Variants in CMYA5 observed in about 807,000 individuals in gnomAD.
The protein encoded by CMYA5 is cardiomyopathy-associated protein 5.
A neutral mutation model predicts 318.9 loss-of-function variants in CMYA5; 246 were observed. The ratio of observed to expected loss-of-function variants is 0.77; its 90% CI spans 0.70 to 0.86. The LOEUF (loss-of-function observed/expected upper bound fraction) is 0.86. Among genes scored for constraint, CMYA5 ranks in the 40% least tolerant of loss-of-function variants. CMYA5 has a pLI of 0.00. For synonymous variants in CMYA5, 1,641 were observed against 1,729.5 expected (o/e 0.95, Z 1.27); for missense variants, 4,589 against 4,678.2 (o/e 0.98, Z 0.56).
At chr5:79,789,705 G>A (rs982541532) in intron 10 of CMYA5, among the ~76,000 whole-genome samples, 1 of 152,016 alleles carries the variant, frequency 6.6e-6, no homozygotes, top group African/African-American at 2.4e-5. Flanking sequence ...GATTACAGGT[G>A]TGAGCCACCA....
At chr5:79,751,673 G>A (rs892920117) in intron 5 of CMYA5, among the ~76,000 whole-genome samples, 3 of 152,160 alleles carry the variant, frequency 2.0e-5, no homozygotes, top group African/African-American at 7.2e-5. Context: ...TGCCCACCAT[G>A]TGCCAAGTAA....
intron 1 of CMYA5, among the ~76,000 whole-genome samples, chr5:79,696,253 C>A (rs1250865245): frequency 6.6e-6 from 1 of 152,176 alleles, no homozygotes; most frequent in Admixed American, 6.5e-5. Flanking sequence ...TCAGTGCCGC[C>A]TTCTGTGACT....
At chr5:79,740,130 TG>T (rs1298195693) in intron 2 of CMYA5, among the ~76,000 whole-genome samples, 1 of 152,230 alleles carries the variant, frequency 6.6e-6, no homozygotes. Flanking sequence ...TAGGAGAGGA[TG>T]TATGCCGGTT....
At chr5:79,720,524 C>A (rs1210519885) in intron 1 of CMYA5, among the ~76,000 whole-genome samples, 1 of 151,282 alleles carries the variant, frequency 6.6e-6, no homozygotes. Flanking sequence ...GCAACCTCCC[C>A]CTCCCAGGTT....
At position 79,735,460 on chromosome 5, in the gene CMYA5, AAC is replaced by A. The variant is rs1482826903; in HGVS notation, c.6696_6697del (p.Lys2232AsnfsTer3). 2.9e-5 allele frequency: 47 copies of A among 1,613,652 alleles called. No individual in the cohort carries two copies. Among genetic ancestry groups the A allele is most frequent in the Non-Finnish European group, 3.9e-5 (46 of 1,179,712 alleles). On this transcript the variant is annotated frameshift_variant, in exon 2 of 13. Transcript: ENST00000446378. LOFTEE classifies it high-confidence loss of function. ...CCCACCAATTTTAATGTAGCTGAGA[AAC>A]CAGCTGATCATTCATTATCAGAGGT...
intron 9 of CMYA5, 44 bp from the exon 10 acceptor site, chr5:79,788,927 A>C (rs771197507): frequency 1.3e-6 from 2 of 1,569,124 alleles, no homozygotes; most frequent in African/African-American, 2.7e-5. Context: ...ATCATTTAGC[A>C]TGTGGCATTA....
In CMYA5 at chr5:79,791,062, C is replaced by A. The variant is rs745686203; in HGVS notation, c.11782C>A (p.Leu3928Met). 24 of 1,610,988 alleles carry A rather than the reference C, an allele frequency of 1.5e-5. No homozygotes were observed. The highest frequency in any genetic ancestry group is 2.0e-5 in the Non-Finnish European group (24 of 1,177,574). ...TVISFGERRR[L>M]TEIPSVLGEE... ...GATCAGCTTTGGTGAGAGGAGACGG[C>A]TGACGGAGTAAGTAGAAGAAGAAAG... Residue 3928 changes from leucine to methionine, a missense_variant, in exon 11 of 13, where the codon CTG becomes ATG. Leu to Met is a conservative substitution (Grantham distance 15). This residue lies in a region of CMYA5 where 2,431 missense variants were observed against 2,495.1 expected (regional missense o/e 0.97). Coordinates refer to ENST00000446378, the MANE Select transcript of CMYA5 (RefSeq NM_153610.5).
intron 1 of CMYA5, among the ~76,000 whole-genome samples, chr5:79,701,930 A>G (rs149291514): frequency 0.021 from 3,220 of 152,082 alleles, 113 homozygotes; most frequent in African/African-American, 0.072. Context: ...GATGGAGACC[A>G]TCCTGGCTAA....
In CMYA5 at chr5:79,737,109, A is replaced by G. The variant is rs78092678; in HGVS notation, c.8344A>G (p.Met2782Val). The G allele has an allele frequency of 8.1e-6, 13 of 1,613,516 alleles. No homozygotes were observed. Among genetic ancestry groups the G allele is most frequent in the South Asian group, 5.5e-5 (5 of 91,030 alleles). Residue 2782 changes from methionine to valine, a missense_variant, in exon 2 of 13, where the codon ATG becomes GTG. Coordinates refer to ENST00000446378, the MANE Select transcript of CMYA5 (RefSeq NM_153610.5). ...GGSVDITKES[M>V]KEGFPSKESE... ...TTCAGTAGATATCACAAAAGAAAGT[A>G]TGAAAGAAGGATTTCCATCTAAAGA...
chr5:79,699,264 G>C (rs181523490), intron 1 of CMYA5, among the ~76,000 whole-genome samples: 1 of 152,304 alleles, frequency 6.6e-6, no homozygotes, highest in East Asian at 1.9e-4. Context: ...TAGGATCTCA[G>C]CTCCTTCTGT....
chr5:79,714,431 C>CTTTTTCTTTTT lies in CMYA5; in HGVS notation c.150-14479_150-14478insCTTTTTTTTTT, dbSNP rs767402291. Among the ~76,000 whole-genome samples the CTTTTTCTTTTT allele has an allele frequency of 3.0e-4, 30 of 100,698 alleles. 2 individuals carry two copies. The highest frequency in any genetic ancestry group is 5.2e-4 in the African/African-American group (12 of 23,292). 66.1% of individuals were successfully genotyped at this position (100,698 alleles called of 152,430 possible). A position where few individuals can be genotyped will look rare whatever the true frequency, so the allele number is the denominator to read the frequency against. On this transcript the variant is annotated intron_variant, in intron 1 of 12. Transcript: ENST00000446378. ...CACATCTGATATCTTTTTTCTTTTTCTTTTTTTTTTTTTTTTTTTTGAGAT... is the reference window on the plus strand; with the variant it reads ...CACATCTGATATCTTTTTTCTTTTTCTTTTTCTTTTTTTTTTTTTTTTTTTTTTTTTGAGAT...
intron 5 of CMYA5, among the ~76,000 whole-genome samples, chr5:79,751,415 C>T (rs1828428426): frequency 6.6e-6 from 1 of 152,180 alleles, no homozygotes; most frequent in African/African-American, 2.4e-5. Flanking sequence ...AACTCCCACT[C>T]ATTAATACCC....
At chr5:79,773,915 C>A (rs1369882216) in intron 9 of CMYA5, among the ~76,000 whole-genome samples, 1 of 151,996 alleles carries the variant, frequency 6.6e-6, no homozygotes, top group Non-Finnish European at 1.5e-5. Flanking sequence ...AAATGAAAAA[C>A]AAAAAGGCAA....
intron 1 of CMYA5, among the ~76,000 whole-genome samples, chr5:79,697,917 T>A (rs1340398984): frequency 6.6e-6 from 1 of 152,190 alleles, no homozygotes; most frequent in Non-Finnish European, 1.5e-5. Flanking sequence ...AGTTTCCTGA[T>A]GTGTAATAAG....
chr5:79,758,750 C>A lies in CMYA5; in HGVS notation c.11111-3C>A. On this transcript the variant is annotated splice_polypyrimidine_tract_variant and splice_region_variant and intron_variant, in intron 6 of 12. Coordinates refer to ENST00000446378, the MANE Select transcript of CMYA5 (RefSeq NM_153610.5). ...GTTACAATAAAACTTGTTTATATTCCAGTTCCACAGCCTCCTAGATTAGAA... is the reference window on the plus strand; with the variant it reads ...GTTACAATAAAACTTGTTTATATTCAAGTTCCACAGCCTCCTAGATTAGAA... 2 of 1,581,724 alleles carry A rather than the reference C, an allele frequency of 1.3e-6. No individual in the cohort carries two copies. Among genetic ancestry groups the A allele is most frequent in the African/African-American group, 1.4e-5 (1 of 73,542 alleles).
Position 79,738,283 on chromosome 5 carries a change from C to T in CMYA5, c.9518C>T (p.Thr3173Ile). Reference sequence around the variant, plus strand: ...CTATCACGAACCCAGATATTTCCTACCACTATTAAAGTCATTGATCCAGAA... The same window carrying T: ...CTATCACGAACCCAGATATTTCCTATCACTATTAAAGTCATTGATCCAGAA... ...GVLSRTQIFP[T>I]TIKVIDPEFL... Residue 3173 changes from threonine (T) to isoleucine (I), a missense_variant, in exon 2 of 13, where the codon ACC becomes ATC. Thr to Ile is a moderately conservative substitution (Grantham distance 89). Coordinates refer to ENST00000446378, the MANE Select transcript of CMYA5 (RefSeq NM_153610.5). 1 of 1,613,420 alleles carries T rather than the reference C, an allele frequency of 6.2e-7. No homozygotes were observed. Among genetic ancestry groups the T allele is most frequent in the Non-Finnish European group, 8.5e-7 (1 of 1,179,742 alleles).
At position 79,799,438 on chromosome 5, in the gene CMYA5, T is replaced by C. The variant is rs1423652740; in HGVS notation, c.12032T>C (p.Ile4011Thr). The C allele has an allele frequency of 1.6e-5, 26 of 1,613,896 alleles. No homozygotes were observed. Among genetic ancestry groups the C allele is most frequent in the African/African-American group, 2.7e-5 (2 of 74,936 alleles). The change falls in exon 13 of 13, where the codon ATC (isoleucine) becomes ACC (threonine). Residue 4011 changes from isoleucine to threonine, a missense_variant. By Grantham distance (89) the Ile-to-Thr change is moderately conservative. Around this residue, in one of 3 missense-constraint regions of CMYA5, gnomAD observed 2,431 missense variants for 2,495.1 expected, o/e 0.97. Coordinates refer to ENST00000446378, the MANE Select transcript of CMYA5 (RefSeq NM_153610.5). ...HVTERPARVG[I>T]LLDYNNQRLI... The stretch of plus-strand genomic sequence containing the variant: ...ACTGAGCGTCCAGCCAGAGTGGGCA[T>C]CCTGCTGGACTACAACAACCAGAGA...
In CMYA5 at chr5:79,735,041, C is replaced by T; in HGVS notation, c.6276C>T (p.Ser2092=). 6.2e-7 allele frequency: 1 copy of T among 1,613,838 alleles called. No individual in the cohort carries two copies. Among genetic ancestry groups the T allele is most frequent in the Non-Finnish European group, 8.5e-7 (1 of 1,179,820 alleles). Residue 2092 remains serine, a synonymous_variant, in exon 2 of 13, where the codon AGC becomes AGT. Coordinates refer to ENST00000446378, the MANE Select transcript of CMYA5 (RefSeq NM_153610.5). ...ALGNEKEAHR[S]TPPFPEEKPL... ...GCAATGAAAAAGAAGCACACAGGAG[C>T]ACACCTCCTTTTCCTGAAGAGAAGC...
rs188989988 is a variant in CMYA5 at position 79,800,052 on chromosome 5, G to A, written c.*436G>A. 28 of 157,222 alleles carry A rather than the reference G, an allele frequency of 1.8e-4. No individual in the cohort carries two copies. The highest frequency in any genetic ancestry group is 1.4e-3 in the Admixed American group (23 of 16,056). The allele number at this position is 157,222 out of a possible 1,614,324, so 9.7% of individuals were successfully genotyped here. Reference sequence around the variant, plus strand: ...TCACCTCGCTGCACTAAAGGATGATGAATCCTAATCATTAAAGGAATTGTT... The same window carrying A: ...TCACCTCGCTGCACTAAAGGATGATAAATCCTAATCATTAAAGGAATTGTT... On this transcript the variant is annotated 3_prime_UTR_variant, in exon 13 of 13. Coordinates refer to ENST00000446378, the MANE Select transcript of CMYA5 (RefSeq NM_153610.5).
Sources: allele counts gnomAD v4.1 joint callset (sites outside exome capture counted in the v4.1 genomes callset), GRCh38; gene constraint gnomAD v4.1.1; regional missense constraint gnomAD v4.1.1; transcripts MANE v1.5; gene names NCBI Gene and HGNC (gene_info 2026-07-23, HGNC 2026-07-21).